The following CYP39A1 variants were observed in gnomAD, a reference collection of about 807,000 sequenced individuals.
CYP39A1 encodes the protein cytochrome P450 family 39 subfamily A member 1.
A neutral mutation model predicts 58.1 loss-of-function variants in CYP39A1; 49 were observed. The observed-to-expected ratio is 0.84, with a 90% confidence interval of 0.67 to 1.07. CYP39A1 has a LOEUF of 1.07. Ranked by LOEUF, CYP39A1 falls within the 50% of genes least tolerant of loss-of-function variation. The pLI, the probability that CYP39A1 is intolerant of heterozygous loss-of-function variation, is 0.00. For synonymous variants in CYP39A1, 209 were observed against 187.6 expected (o/e 1.11, Z -0.93); for missense variants, 531 against 539.4 (o/e 0.98, Z 0.16).
chr6:46,647,237 G>A (rs188831922), intron 1 of CYP39A1, among the ~76,000 whole-genome samples: 64 of 151,490 alleles, frequency 4.2e-4, no homozygotes, highest in Non-Finnish European at 7.8e-4. Context: ...CAAGAGACTG[G>A]GTTAAAATAC....
chr6:46,586,338 GACATTTCCCCTACAGAATC>G (rs1253623475), intron 10 of CYP39A1: 1 of 984,180 alleles, frequency 1.0e-6, no homozygotes, highest in African/African-American at 1.7e-5. Context: ...AACAGGTACT[GACATTTCCCCTACAGAATC>G]ATCCCCAATG....
chr6:46,601,586 G>A (rs530662368), intron 7 of CYP39A1, among the ~76,000 whole-genome samples: 1 of 152,048 alleles, frequency 6.6e-6, no homozygotes, highest in African/African-American at 2.4e-5. Flanking sequence ...TGCCCACAAG[G>A]TTGCTGTCAG....
chr6:46,648,031 T>C lies in CYP39A1; in HGVS notation c.177+4375A>G, dbSNP rs538776600. On this transcript the variant is annotated intron_variant, in intron 1 of 11. Coordinates refer to ENST00000275016, the MANE Select transcript of CYP39A1 (RefSeq NM_016593.5). ...GAAACAACAGGTGCTGGAGAGCATG[T>C]GGAGAAATAGGAACACTTTTACACT... is the stretch of plus-strand genomic sequence containing the variant. Among the ~76,000 whole-genome samples, 33 of 152,276 alleles carry C rather than the reference T, an allele frequency of 2.2e-4. No individual in the cohort carries two copies. In the East Asian group the frequency reaches 6.4e-3, roughly 29 times the overall value.
intron 7 of CYP39A1, among the ~76,000 whole-genome samples, chr6:46,606,417 C>T (rs1329774869): frequency 1.3e-5 from 2 of 152,134 alleles, no homozygotes; most frequent in Non-Finnish European, 2.9e-5. Flanking sequence ...TTTACTATGA[C>T]TCTTAGAAAT....
At chr6:46,627,683 G>T (rs1257348253) in intron 6 of CYP39A1, among the ~76,000 whole-genome samples, 1 of 152,026 alleles carries the variant, frequency 6.6e-6, no homozygotes, top group African/African-American at 2.4e-5. Flanking sequence ...CTCCCGAAGT[G>T]CTGGTATTAC....
Position 46,553,790 on chromosome 6 carries a change from G to T in CYP39A1, c.1315C>A (p.Leu439Ile). Residue 439 changes from leucine (L) to isoleucine (I), a missense_variant, in exon 11 of 12, where the codon CTT (leucine) becomes ATT (isoleucine). Coordinates refer to ENST00000275016, the MANE Select transcript of CYP39A1 (RefSeq NM_016593.5). ...ILILYKYDCSLLDPLPKQSYL... is the reference protein window; with the variant it reads ...ILILYKYDCSILDPLPKQSYL... ...ACCTGTTTGGGTAATGGGTCCAGAA[G>T]ACTACAGTCATATTTATAAAGTATT... 1.2e-6 allele frequency: 2 copies of T among 1,610,690 alleles called. No individual in the cohort carries two copies. The highest frequency in any genetic ancestry group is 1.7e-6 in the Non-Finnish European group (2 of 1,177,600).
intron 10 of CYP39A1, among the ~76,000 whole-genome samples, chr6:46,555,230 T>C (rs1168636141): frequency 6.6e-6 from 1 of 152,214 alleles, no homozygotes; most frequent in Non-Finnish European, 1.5e-5. Context: ...TGATGCTCTG[T>C]GCCACAAGCC....
intron 10 of CYP39A1, among the ~76,000 whole-genome samples, chr6:46,558,256 GA>G (rs898620917): frequency 2.1e-4 from 31 of 150,864 alleles, no homozygotes; most frequent in Middle Eastern, 3.4e-3. Context: ...GGGAATTTAT[GA>G]AAAAAAAAGA....
In CYP39A1 at chr6:46,600,428, CCCTT is replaced by C. The variant is rs200868950; in HGVS notation, c.932-4312_932-4309del. ...GAGCCACCCTGCCCAGCAAATAAGC[CCCTT>C]TCGATTACACCTGACTATGCTAATG... On this transcript the variant is annotated intron_variant, in intron 7 of 11. Transcript: ENST00000275016. Among the ~76,000 whole-genome samples, 950 of 152,010 alleles carry C rather than the reference CCCTT, an allele frequency of 6.2e-3. 6 individuals are homozygous for C. Among genetic ancestry groups the C allele is most frequent in the African/African-American group, 0.022 (895 of 41,470 alleles).
intron 10 of CYP39A1, chr6:46,586,255 T>G (rs534305328): frequency 1.0e-6 from 1 of 983,656 alleles, no homozygotes; most frequent in South Asian, 4.7e-5. Context: ...GAGGACTGAC[T>G]TCAAGAAACT....
At chr6:46,636,137 T>A (rs1775971103) in intron 5 of CYP39A1, among the ~76,000 whole-genome samples, 1 of 152,184 alleles carries the variant, frequency 6.6e-6, no homozygotes, top group Non-Finnish European at 1.5e-5. Context: ...AACACAGAAA[T>A]CAATACGGAA....
intron 1 of CYP39A1, 136 bp from the exon 2 acceptor site, chr6:46,642,434 A>C (rs1776401053): frequency 2.5e-6 from 2 of 814,718 alleles, no homozygotes; most frequent in Admixed American, 3.3e-5. Context: ...ATTAGTTATA[A>C]ATTTTGATTG....
chr6:46,550,295 G>T lies in CYP39A1; in HGVS notation c.*71C>A. ...AGCAGTGTGTTTTTGTAGAGCTCAG[G>T]TCTAGGTGCTGCCAGGTGGGGTAGT... is the stretch of plus-strand genomic sequence containing the variant. On this transcript the variant is annotated 3_prime_UTR_variant, in exon 12 of 12. Transcript: ENST00000275016. 7.9e-7 allele frequency: 1 copy of T among 1,271,590 alleles called. No homozygotes were observed. Among genetic ancestry groups the T allele is most frequent in the Non-Finnish European group, 1.1e-6 (1 of 882,732 alleles). The allele number at this position is 1,271,590 out of a possible 1,614,324, so 78.8% of individuals were successfully genotyped here. A position where few individuals can be genotyped will look rare whatever the true frequency, so the allele number is the denominator to read the frequency against.
intron 8 of CYP39A1, among the ~76,000 whole-genome samples, chr6:46,588,469 C>T (rs1174666306): frequency 2.6e-5 from 4 of 151,922 alleles, no homozygotes; most frequent in South Asian, 2.1e-4. Flanking sequence ...GTATAAGTCC[C>T]TTCTAATGTA....
chr6:46,645,536 T>C (rs1004146530), intron 1 of CYP39A1, among the ~76,000 whole-genome samples: 3 of 152,196 alleles, frequency 2.0e-5, no homozygotes, highest in Non-Finnish European at 2.9e-5. Flanking sequence ...CACTAATCTT[T>C]GTGTCTATCC....
At chr6:46,646,259 T>G (rs958046350) in intron 1 of CYP39A1, among the ~76,000 whole-genome samples, 1 of 152,106 alleles carries the variant, frequency 6.6e-6, no homozygotes, top group African/African-American at 2.4e-5. Flanking sequence ...GCAGGATTTT[T>G]GTAGATGTCC....
chr6:46,554,890 T>C (rs1006772767), intron 10 of CYP39A1, among the ~76,000 whole-genome samples: 1 of 152,150 alleles, frequency 6.6e-6, no homozygotes, highest in Admixed American at 6.5e-5. Context: ...TCCCTCAGTG[T>C]AGTTCTTCAT....
At chr6:46,630,925 G>A in intron 6 of CYP39A1, 38 bp downstream of exon 6, 4 of 1,393,346 alleles carry the variant, frequency 2.9e-6, no homozygotes, top group African/African-American at 1.4e-5. Context: ...AAAGGACAGT[G>A]GAGAGCAACG....
At chr6:46,634,672 C>T (rs1582448354) in intron 5 of CYP39A1, among the ~76,000 whole-genome samples, 1 of 151,910 alleles carries the variant, frequency 6.6e-6, no homozygotes, top group African/African-American at 2.4e-5. Context: ...CAGGCGCGCA[C>T]CACCATGCCA....
Sources: gnomAD v4.1 joint callset for allele counts (sites outside exome capture counted in the v4.1 genomes callset) on GRCh38, gnomAD v4.1.1 for gene constraint, MANE v1.5 for transcripts, NCBI Gene and HGNC (gene_info 2026-07-23, HGNC 2026-07-21) for gene names.